Variants in PTGES3 observed in about 807,000 individuals in gnomAD.
PTGES3 encodes prostaglandin E synthase 3.
PTGES3 carries 5 observed loss-of-function variants against 29.9 expected under a neutral mutation model. The ratio of observed to expected loss-of-function variants is 0.17; its 90% CI spans 0.09 to 0.35. The LOEUF (loss-of-function observed/expected upper bound fraction) is 0.35. Ranked by LOEUF, PTGES3 falls within the 10% of genes least tolerant of loss-of-function variation. The pLI, the probability that PTGES3 is intolerant of heterozygous loss-of-function variation, is 1.00. For synonymous variants in PTGES3, 49 were observed against 57.8 expected, an observed-to-expected ratio of 0.85 and a Z score of 0.69; for missense variants, 128 against 190.0, an observed-to-expected ratio of 0.67 and a Z score of 1.92.
chr12:56,671,240 A>G (rs1229891147), intron 4 of PTGES3, among the ~76,000 whole-genome samples: 1 of 152,132 alleles, frequency 6.6e-6, no homozygotes, highest in Non-Finnish European at 1.5e-5. Context: ...TCTACAAAAA[A>G]TACAAAAATT....
intron 5 of PTGES3, among the ~76,000 whole-genome samples, chr12:56,667,904 T>C (rs2137591481): frequency 6.6e-6 from 1 of 152,306 alleles, no homozygotes; most frequent in South Asian, 2.1e-4. Context: ...GGTCAGGAGT[T>C]CGAGGCTAGC....
intron 1 of PTGES3, chr12:56,686,796 C>T (rs1167303314): frequency 5.0e-6 from 2 of 398,158 alleles, no homozygotes; most frequent in African/African-American, 4.1e-5. Flanking sequence ...TTCAGCCTCA[C>T]GCATCCCTTT....
chr12:56,685,385 GCAT>G (rs1189126275), intron 1 of PTGES3, among the ~76,000 whole-genome samples: 1 of 139,354 alleles, frequency 7.2e-6, no homozygotes, highest in African/African-American at 2.7e-5. Context: ...TTTGAAGGTA[GCAT>G]TTTTTCTTTT....
chr12:56,685,839 C>T (rs1467621290), intron 1 of PTGES3, among the ~76,000 whole-genome samples: 1 of 140,046 alleles, frequency 7.1e-6, no homozygotes, highest in African/African-American at 2.7e-5. Flanking sequence ...TACAACGGCG[C>T]AATCTCTGCT....
intron 1 of PTGES3, among the ~76,000 whole-genome samples, chr12:56,679,431 A>T (rs1173923678): frequency 6.7e-6 from 1 of 150,048 alleles, no homozygotes; most frequent in African/African-American, 2.5e-5. Context: ...AAAAAAAAAA[A>T]GCATGGAATG....
intron 1 of PTGES3, among the ~76,000 whole-genome samples, chr12:56,675,794 G>A (rs1167698903): frequency 6.6e-6 from 1 of 151,968 alleles, no homozygotes; most frequent in African/African-American, 2.4e-5. Context: ...GTGGTGATGG[G>A]CACCTGTAAT....
chr12:56,675,180 G>A (rs1332074736), intron 1 of PTGES3, among the ~76,000 whole-genome samples: 2 of 151,688 alleles, frequency 1.3e-5, no homozygotes, highest in Non-Finnish European at 2.9e-5. Flanking sequence ...CGTACCTGTA[G>A]TCCCAGCTAT....
rs1408281049 is a variant in PTGES3, at chr12:56,671,398, T to C, written c.285+351A>G. 3.3e-5 allele frequency among the ~76,000 whole-genome samples: 5 copies of C among 152,096 alleles called. No individual in the cohort carries two copies. In the East Asian group the frequency reaches 9.6e-4, roughly 29 times the overall value. ...TGGGTGACAAAGAGAGACCCTGTTT[T>C]GGGGGAAAAAAAACACTGAAAATTG... On this transcript the variant is annotated intron_variant, in intron 4 of 7. Coordinates refer to ENST00000262033, the MANE Select transcript of PTGES3 (RefSeq NM_006601.7).
At chr12:56,683,066 G>A (rs1023926425) in intron 1 of PTGES3, among the ~76,000 whole-genome samples, 1 of 151,944 alleles carries the variant, frequency 6.6e-6, no homozygotes, top group Non-Finnish European at 1.5e-5. Context: ...ATCTATCATT[G>A]CCGGCTGCGG....
chr12:56,670,503 G>T, intron 4 of PTGES3, 139 bp from the exon 5 acceptor site: 1 of 637,744 alleles, frequency 1.6e-6, no homozygotes, highest in Non-Finnish European at 2.8e-6. Flanking sequence ...GCATTCACAG[G>T]TGCAATCCCA....
At chr12:56,670,039 TTAACTTTTG>T (rs891748190) in intron 5 of PTGES3, among the ~76,000 whole-genome samples, 18 of 151,544 alleles carry the variant, frequency 1.2e-4, no homozygotes, top group Non-Finnish European at 2.2e-4. Context: ...TCTTAATGCA[TTAACTTTTG>T]TAACTTTTGT....
intron 5 of PTGES3, among the ~76,000 whole-genome samples, chr12:56,666,976 G>C (rs1313969765): frequency 1.3e-5 from 2 of 151,646 alleles, no homozygotes; most frequent in Non-Finnish European, 1.5e-5. Flanking sequence ...TTGGAGTGCA[G>C]CAGCACAATC....
At chr12:56,672,649 A>C (rs1952051124) in intron 3 of PTGES3, 91 bp downstream of exon 3, 1 of 1,375,130 alleles carries the variant, frequency 7.3e-7, no homozygotes, top group Admixed American at 2.8e-5. Context: ...CTGTTAAGAA[A>C]AACAGAACTA....
chr12:56,687,435 A>C, intron 1 of PTGES3: 1 of 987,854 alleles, frequency 1.0e-6, no homozygotes, highest in Non-Finnish European at 1.2e-6. Context: ...AGAAACCCAG[A>C]CACTGGAGAG....
intron 1 of PTGES3, among the ~76,000 whole-genome samples, chr12:56,675,124 A>AC (rs1952178467): frequency 6.6e-6 from 1 of 150,712 alleles, no homozygotes; most frequent in Admixed American, 6.7e-5. Context: ...ATATAGTAAA[A>AC]CCCCGTCTCT....
At chr12:56,670,883 T>C (rs1288497934) in intron 4 of PTGES3, 2 of 153,842 alleles carry the variant, frequency 1.3e-5, no homozygotes, top group East Asian at 1.9e-4. Flanking sequence ...GAAAGACTAG[T>C]TGTGTAATCC....
At chr12:56,687,347 G>T (rs1952922813) in intron 1 of PTGES3, 1 of 988,432 alleles carries the variant, frequency 1.0e-6, no homozygotes, top group African/African-American at 1.7e-5. Context: ...CGCTGCCAGG[G>T]AAGCGGCTGA....
intron 4 of PTGES3, among the ~76,000 whole-genome samples, chr12:56,671,099 T>C (rs995685067): frequency 2.0e-5 from 3 of 150,036 alleles, no homozygotes; most frequent in African/African-American, 7.4e-5. Context: ...GGCATGAGAC[T>C]ACCTAAAAAA....
chr12:56,664,843 G>A (rs747762242), intron 6 of PTGES3, 43 bp from the exon 7 acceptor site: 16 of 1,590,404 alleles, frequency 1.0e-5, no homozygotes, highest in East Asian at 6.7e-5. Context: ...TCAAATATTC[G>A]TTTGCTAACT....
Sources: gnomAD v4.1 joint callset for allele counts (sites outside exome capture counted in the v4.1 genomes callset) on GRCh38, gnomAD v4.1.1 for gene constraint, MANE v1.5 for transcripts, NCBI Gene and HGNC (gene_info 2026-07-23, HGNC 2026-07-21) for gene names.